The following RIN2 variants were observed in gnomAD, a reference collection of about 807,000 sequenced individuals.
RIN2 encodes Ras and Rab interactor 2.
Under a neutral mutation model 78.0 loss-of-function variants are expected in RIN2, and 36 were observed. The observed-to-expected ratio is 0.46, with a 90% CI of 0.35 to 0.61. RIN2 has a LOEUF of 0.61. Among genes scored for constraint, RIN2 ranks in the 20% least tolerant of loss-of-function variants. RIN2 has a pLI of 0.00. For missense variants in RIN2, 1,087 were observed against 1,159.7 expected, an observed-to-expected ratio of 0.94 and a Z score of 0.91; for synonymous variants, 466 against 466.8, an observed-to-expected ratio of 1.00 and a Z score of 0.02.
rs201328436 is a variant in RIN2, at chr20:19,976,859, C to CT, written c.1762+1078dup. ...CTCTGTCTCTCTCTCTCTCTCCTCT[C>CT]TTTTTTCTCGTTTAAGTGATTTTCA... On this transcript the variant is annotated intron_variant, in intron 9 of 12. Transcript: ENST00000255006. 6.8e-3 allele frequency among the ~76,000 whole-genome samples: 1,031 copies of CT among 152,194 alleles called. 9 individuals carry two copies. Among genetic ancestry groups the CT allele is most frequent in the Admixed American group, 9.7e-3 (149 of 15,288 alleles).
In RIN2 at chr20:19,941,778, C is replaced by T. The variant is rs146366704; in HGVS notation, c.158+6579C>T. 9.2e-3 allele frequency among the ~76,000 whole-genome samples: 1,398 copies of T among 152,200 alleles called. 8 individuals carry two copies. The highest frequency in any genetic ancestry group is 0.016 in the Non-Finnish European group (1,113 of 68,018). ...ATTCTATGAGGGTTGACCAACTCTT[C>T]GCTACACTATCACCAATGTAGCAAC... On this transcript the variant is annotated intron_variant, in intron 4 of 12. Coordinates refer to ENST00000255006, the MANE Select transcript of RIN2 (RefSeq NM_018993.4).
intron 4 of RIN2, among the ~76,000 whole-genome samples, chr20:19,942,026 C>T (rs1288894453): frequency 6.7e-6 from 1 of 149,824 alleles, no homozygotes; most frequent in Non-Finnish European, 1.5e-5. Flanking sequence ...AAGAGAATTG[C>T]TTGAACCTGA....
chr20:20,000,874 A>C lies in RIN2; in HGVS notation c.2626A>C (p.Ile876Leu). The change falls in exon 13 of 13, where the codon ATC (isoleucine) becomes CTC (leucine). Residue 876 changes from isoleucine (I) to leucine (L), a missense_variant. By Grantham distance (5) the Ile-to-Leu change is conservative (BLOSUM62 2). Coordinates refer to ENST00000255006, the MANE Select transcript of RIN2 (RefSeq NM_018993.4). The stretch of plus-strand genomic sequence containing the variant: ...CATCTTCCACTTTGTCTACAAACGC[A>C]TCAAGAACGATCCTTATGGCATCAT... ...PHIFHFVYKR[I>L]KNDPYGIIFQ... The C allele has an allele frequency of 6.2e-7, 1 of 1,614,012 alleles. No individual in the cohort carries two copies.
chr20:19,758,521 G>A (rs2033479627), intron 1 of RIN2, among the ~76,000 whole-genome samples, 194 bp downstream of exon 1: 3 of 152,200 alleles, frequency 2.0e-5, no homozygotes, highest in Non-Finnish European at 4.4e-5. Context: ...ACGGAAGGGG[G>A]AAGGGGGATC....
intron 2 of RIN2, among the ~76,000 whole-genome samples, chr20:19,842,965 ACT>A (rs2036629681): frequency 6.6e-6 from 1 of 152,050 alleles, no homozygotes; most frequent in African/African-American, 2.4e-5. Flanking sequence ...GTTGATGCCA[ACT>A]CTCATGAATG....
chr20:19,956,432 T>C (rs1309758068), intron 4 of RIN2, among the ~76,000 whole-genome samples, 183 bp from the exon 5 acceptor site: 3 of 151,724 alleles, frequency 2.0e-5, no homozygotes, highest in African/African-American at 7.3e-5. Flanking sequence ...AGATAGAGGG[T>C]AAAATAAAAC....
chr20:19,776,204 T>C (rs1364031986), intron 1 of RIN2, among the ~76,000 whole-genome samples: 2 of 152,330 alleles, frequency 1.3e-5, no homozygotes, highest in Admixed American at 1.3e-4. Flanking sequence ...TGCCTCATTA[T>C]ACCCTCCTCC....
Position 19,863,184 on chromosome 20 carries a change from G to A in RIN2, c.-36-26382G>A, listed in dbSNP as rs142673626. Among the ~76,000 whole-genome samples, 50 of 152,286 alleles carry A rather than the reference G, an allele frequency of 3.3e-4. 2 individuals are homozygous for A. Among genetic ancestry groups the A allele is most frequent in the Admixed American group, 3.1e-3 (48 of 15,298 alleles). On this transcript the variant is annotated intron_variant, in intron 2 of 12. Transcript: ENST00000255006. The stretch of plus-strand genomic sequence containing the variant: ...TGTGCAGCCTGTCATTTATGCATGT[G>A]GCCTCTGGAGTCAGCACTTGTCACT...
intron 3 of RIN2, 132 bp downstream of exon 3, chr20:19,889,790 C>A: frequency 3.2e-6 from 2 of 632,504 alleles, no homozygotes; most frequent in Non-Finnish European, 5.1e-6. Flanking sequence ...CTTGCCCGAG[C>A]CCAGCTGCTG....
chr20:19,814,292 T>C (rs776260005), intron 2 of RIN2, among the ~76,000 whole-genome samples: 67 of 152,322 alleles, frequency 4.4e-4, no homozygotes, highest in Non-Finnish European at 9.7e-4. Context: ...GCCGCTTGCC[T>C]GGGGCTCAGC....
chr20:19,965,801 G>A (rs1034485189), intron 7 of RIN2, among the ~76,000 whole-genome samples: 6 of 151,910 alleles, frequency 3.9e-5, no homozygotes, highest in Admixed American at 6.6e-5. Context: ...TAGTAGAGAC[G>A]GGTTTTCACC....
intron 6 of RIN2, among the ~76,000 whole-genome samples, chr20:19,963,545 G>T (rs2041834791): frequency 1.3e-5 from 2 of 151,330 alleles, no homozygotes; most frequent in African/African-American, 4.9e-5. Context: ...GGAGATGGAG[G>T]TTGCAGTGAG....
At chr20:19,883,743 T>G (rs1421037859) in intron 2 of RIN2, among the ~76,000 whole-genome samples, 4 of 152,044 alleles carry the variant, frequency 2.6e-5, no homozygotes. Context: ...TTCTGTGGTG[T>G]GGACAAGGTG....
chr20:19,794,784 G>A (rs538424858), intron 1 of RIN2, among the ~76,000 whole-genome samples: 138 of 152,052 alleles, frequency 9.1e-4, no homozygotes, highest in Non-Finnish European at 1.8e-3. Flanking sequence ...TGAGAACAGC[G>A]ACTCAGGATT....
chr20:19,806,286 G>A (rs187064855), intron 2 of RIN2, among the ~76,000 whole-genome samples: 1 of 152,268 alleles, frequency 6.6e-6, no homozygotes, highest in East Asian at 1.9e-4. Flanking sequence ...GTTCCTTGAG[G>A]AATCGCCCCA....
At position 19,975,144 on chromosome 20, in the gene RIN2, T is replaced by G; in HGVS notation, c.1119T>G (p.Gly373=). ...KQASFLEAEG[G]AKTLSGGRPG... is the part of the protein sequence containing the mutation. ...CTTCTTTTCTGGAAGCAGAGGGCGGTGCAAAGACCTTGAGCGGCGGCCGGC... is the reference window on the plus strand; with the variant it reads ...CTTCTTTTCTGGAAGCAGAGGGCGGGGCAAAGACCTTGAGCGGCGGCCGGC... Residue 373 remains glycine (G), a synonymous_variant, in exon 9 of 13, where the codon GGT becomes GGG. Transcript: ENST00000255006. The surrounding 1 kb of genome is among the most constrained non-coding windows in gnomAD (Gnocchi z 4.9). 1 of 1,613,042 alleles carries G rather than the reference T, an allele frequency of 6.2e-7. No homozygotes were observed. The highest frequency in any genetic ancestry group is 8.5e-7 in the Non-Finnish European group (1 of 1,179,840).
At chr20:19,981,127 T>C (rs2042440377) in intron 9 of RIN2, among the ~76,000 whole-genome samples, 1 of 152,306 alleles carries the variant, frequency 6.6e-6, no homozygotes, top group East Asian at 1.9e-4. Flanking sequence ...TGCCCTCACT[T>C]CTATAGATGA....
chr20:19,881,268 T>C (rs1227083352), intron 2 of RIN2, among the ~76,000 whole-genome samples: 2 of 152,106 alleles, frequency 1.3e-5, no homozygotes, highest in African/African-American at 2.4e-5. Context: ...ATGATGGGAG[T>C]ATTTACACCA....
intron 2 of RIN2, chr20:19,886,490 G>C: frequency 1.9e-6 from 1 of 532,810 alleles, no homozygotes; most frequent in Non-Finnish European, 3.3e-6. Flanking sequence ...GTCCATTAGC[G>C]CCGACCAACG....
Sources: allele counts gnomAD v4.1 joint callset (sites outside exome capture counted in the v4.1 genomes callset), GRCh38; gene constraint gnomAD v4.1.1; non-coding constraint Gnocchi (gnomAD v3.1); transcripts MANE v1.5; gene names NCBI Gene and HGNC (gene_info 2026-07-23, HGNC 2026-07-21).